NUP210: variants seen among roughly 807,000 people sequenced by gnomAD.
NUP210 encodes nucleoporin 210.
NUP210 carries 151 observed loss-of-function variants against 196.0 expected under a neutral mutation model. That is an observed-to-expected ratio of 0.77 (90% confidence interval 0.67 to 0.88). NUP210 has a LOEUF of 0.88. Among genes scored for constraint, NUP210 ranks in the 40% least tolerant of loss-of-function variants. NUP210 has a pLI of 0.00. For missense variants in NUP210, 2,314 were observed against 2,493.7 expected, an observed-to-expected ratio of 0.93 and a Z score of 1.53; for synonymous variants, 1,070 against 1,052.7, an observed-to-expected ratio of 1.02 and a Z score of -0.32.
At position 13,420,175 on chromosome 3, in the gene NUP210, C is replaced by G; in HGVS notation, c.52G>C (p.Ala18Pro). The G allele has an allele frequency of 2.4e-6, 3 of 1,260,942 alleles. No homozygotes were observed. The highest frequency in any genetic ancestry group is 3.0e-6 in the Non-Finnish European group (3 of 985,768). The allele number at this position is 1,260,942 out of a possible 1,614,324, so 78.1% of individuals were successfully genotyped here. ...LLLLTLSVLL[A>P]AGPSAAAAKL... is the part of the protein sequence containing the mutation. ...GCCGCAGCGGCGGAGGGGCCCGCCGCCAACAGCACCGACAGCGTCAGCAGC... is the reference window on the plus strand; with the variant it reads ...GCCGCAGCGGCGGAGGGGCCCGCCGGCAACAGCACCGACAGCGTCAGCAGC... The change falls in exon 1 of 40, where the codon GCG (alanine) becomes CCG (proline). Residue 18 changes from alanine (A) to proline (P), a missense_variant. Transcript: ENST00000254508. This position sits in a 1 kb window ranked among gnomAD's most constrained non-coding sequence, Gnocchi z 4.8.
chr3:13,322,914 T>C (rs973242759), intron 34 of NUP210, among the ~76,000 whole-genome samples: 3 of 152,326 alleles, frequency 2.0e-5, no homozygotes, highest in African/African-American at 7.2e-5. Context: ...GGGCAGGGGA[T>C]GGGGTTCAAC....
Position 13,360,416 on chromosome 3 carries a change from G to A in NUP210, c.2008C>T (p.Pro670Ser). The part of the protein sequence containing the change: ...KEMLFEGGPR[P>S]WILEPSKFFQ... ...AATTTGGACGGCTCGAGGATCCAAG[G>A]TCTGGGACCTCCTTCAAACAGCATC... The change falls in exon 15 of 40, where the codon CCT (proline) becomes TCT (serine). Residue 670 changes from proline (P) to serine (S), a missense_variant. Pro to Ser is a moderately conservative substitution (Grantham distance 74, BLOSUM62 -1). Coordinates refer to ENST00000254508, the MANE Select transcript of NUP210 (RefSeq NM_024923.4). The A allele has an allele frequency of 1.2e-6, 2 of 1,614,094 alleles. No homozygotes were observed. The highest frequency in any genetic ancestry group is 1.7e-4 in the Middle Eastern group (1 of 6,060).
chr3:13,366,066 G>C lies in NUP210; in HGVS notation c.1812C>G (p.His604Gln), dbSNP rs1319460417. 15 of 1,614,064 alleles carry C rather than the reference G, an allele frequency of 9.3e-6. No homozygotes were observed. In the Admixed American group the frequency reaches 2.3e-4, roughly 25 times the overall value. ...CGGCCTTTACCCGGATGCCGCTGCA[G>C]TGCTCAGAGCCTGGCGGCAGCCTCC... ...LPGRLPPGSE[H>Q]CSGIRVKAEA... Residue 604 changes from histidine to glutamine, a missense_variant, in exon 14 of 40, where the codon CAC becomes CAG. His to Gln is a conservative substitution (Grantham distance 24, BLOSUM62 0). Coordinates refer to ENST00000254508, the MANE Select transcript of NUP210 (RefSeq NM_024923.4).
intron 32 of NUP210, among the ~76,000 whole-genome samples, chr3:13,326,474 C>T (rs1428737926): frequency 2.0e-5 from 3 of 152,188 alleles, no homozygotes; most frequent in African/African-American, 7.2e-5. Flanking sequence ...CTATTTATGG[C>T]AAATTATATT....
In NUP210 at chr3:13,379,751, G is replaced by A. The variant is rs1356841621; in HGVS notation, c.818-30C>T. On this transcript the variant is annotated intron_variant, in intron 6 of 39. Coordinates refer to ENST00000254508, the MANE Select transcript of NUP210 (RefSeq NM_024923.4). The surrounding 1 kb of genome is among the most constrained non-coding windows in gnomAD (Gnocchi z 4.2). ...CCACCAAGAAACAAAAAATAACAGG[G>A]AAAGAGAGAGCAAAGACAGGAAATG... 1 of 1,537,516 alleles carries A rather than the reference G, an allele frequency of 6.5e-7. No individual in the cohort carries two copies. The highest frequency in any genetic ancestry group is 1.4e-5 in the African/African-American group (1 of 71,924).
intron 1 of NUP210, among the ~76,000 whole-genome samples, chr3:13,402,041 T>A (rs574924505): frequency 2.6e-4 from 40 of 151,708 alleles, no homozygotes; most frequent in Middle Eastern, 3.4e-3. Context: ...CAAAAAAAAA[T>A]TTTTTTAATT....
chr3:13,396,155 A>G (rs1359589205), intron 3 of NUP210, among the ~76,000 whole-genome samples: 2 of 152,186 alleles, frequency 1.3e-5, no homozygotes, highest in East Asian at 1.9e-4. Context: ...TTTGATTGTC[A>G]TGGCTTGGGA....
intron 13 of NUP210, among the ~76,000 whole-genome samples, chr3:13,368,083 A>AT (rs11306861): frequency 3.2e-4 from 49 of 150,886 alleles, no homozygotes; most frequent in African/African-American, 7.8e-4. Context: ...TAAAATTTTT[A>AT]TTTTTTTTTT....
intron 1 of NUP210, among the ~76,000 whole-genome samples, chr3:13,409,139 C>T (rs1485638423): frequency 1.3e-5 from 2 of 152,216 alleles, no homozygotes; most frequent in Non-Finnish European, 2.9e-5. Flanking sequence ...CTGTGGGGGA[C>T]ATGTGCTGGG....
intron 33 of NUP210, among the ~76,000 whole-genome samples, chr3:13,325,274 G>C (rs1178655795): frequency 6.6e-6 from 1 of 152,200 alleles, no homozygotes; most frequent in Admixed American, 6.5e-5. Flanking sequence ...CTGCAGAGCC[G>C]CAGCACTAAA....
At chr3:13,384,386 C>A (rs1025091923) in intron 6 of NUP210, among the ~76,000 whole-genome samples, 1 of 152,176 alleles carries the variant, frequency 6.6e-6, no homozygotes, top group African/African-American at 2.4e-5. Flanking sequence ...AGCTTCAGGT[C>A]TTCTATGCCT....
At chr3:13,346,392 C>A (rs182108615) in intron 20 of NUP210, among the ~76,000 whole-genome samples, 54 of 152,336 alleles carry the variant, frequency 3.5e-4, no homozygotes, top group Admixed American at 2.6e-3. Context: ...CTGATTGACA[C>A]ATGGGAGAAT....
At chr3:13,375,142 CT>C (rs76945178) in intron 11 of NUP210, among the ~76,000 whole-genome samples, 219 of 138,394 alleles carry the variant, frequency 1.6e-3, no homozygotes, top group East Asian at 6.5e-3. Flanking sequence ...TATTTTTTCT[CT>C]TTTTTTTTTT....
rs1327401524 is a variant in NUP210, at chr3:13,335,570, C to A, written c.3727G>T (p.Val1243Leu). The A allele has an allele frequency of 6.2e-6, 10 of 1,614,108 alleles. No individual in the cohort carries two copies. The South Asian group carries it at 1.1e-4, about 18-fold the overall frequency. The change falls in exon 28 of 40, where the codon GTG (valine) becomes TTG (leucine). Residue 1243 changes from valine to leucine, a missense_variant. Transcript: ENST00000254508. ...LPSQYNFAMNVLGRVKGRTGL... is the reference protein window; with the variant it reads ...LPSQYNFAMNLLGRVKGRTGL... Reference sequence around the variant, plus strand: ...GTCCGGCCTTTTACCCGGCCGAGCACGTTCATGGCAAAGTTGTACTGTGAC... The same window carrying A: ...GTCCGGCCTTTTACCCGGCCGAGCAAGTTCATGGCAAAGTTGTACTGTGAC...
chr3:13,402,389 C>G (rs776590337), intron 1 of NUP210, among the ~76,000 whole-genome samples: 1 of 152,144 alleles, frequency 6.6e-6, no homozygotes, highest in Non-Finnish European at 1.5e-5. Flanking sequence ...CCTCTCCTAG[C>G]CTCTGTCTCC....
chr3:13,327,100 C>T (rs1446690464), intron 32 of NUP210, 117 bp downstream of exon 32: 1 of 719,922 alleles, frequency 1.4e-6, no homozygotes, highest in Middle Eastern at 2.5e-4. Context: ...CCTGAGTATC[C>T]TGCAGGTCTG....
intron 15 of NUP210, among the ~76,000 whole-genome samples, chr3:13,358,996 T>G (rs1012838884): frequency 1.3e-5 from 2 of 152,296 alleles, no homozygotes; most frequent in East Asian, 1.9e-4. Context: ...ACCTCAGAAG[T>G]CATATCTGGC....
intron 3 of NUP210, among the ~76,000 whole-genome samples, chr3:13,392,835 G>A (rs899506166): frequency 8.5e-5 from 13 of 152,180 alleles, no homozygotes; most frequent in African/African-American, 3.1e-4. Context: ...GGGGAGCCTG[G>A]GCTCCAATTC....
chr3:13,328,750 T>C lies in NUP210; in HGVS notation c.4286+21A>G, dbSNP rs940401826. ...ACCAGACAGGACTTCATAGGAGAAA[T>C]GACCCTTGCCCACATCCTACCTGTT... On this transcript the variant is annotated intron_variant, in intron 31 of 39. Coordinates refer to ENST00000254508, the MANE Select transcript of NUP210 (RefSeq NM_024923.4). 17 of 1,610,526 alleles carry C rather than the reference T, an allele frequency of 1.1e-5. No homozygotes were observed. In the African/African-American group the frequency reaches 2.1e-4, roughly 20 times the overall value.
Sources: allele counts gnomAD v4.1 joint callset (sites outside exome capture counted in the v4.1 genomes callset), GRCh38; gene constraint gnomAD v4.1.1; non-coding constraint Gnocchi (gnomAD v3.1); transcripts MANE v1.5; gene names NCBI Gene and HGNC (gene_info 2026-07-23, HGNC 2026-07-21).